GDF5: variants seen among roughly 807,000 people sequenced by gnomAD.
The protein encoded by GDF5 is growth/differentiation factor 5.
In GDF5, 17 loss-of-function variants were observed where a neutral mutation model predicts 34.6. The ratio of observed to expected loss-of-function variants is 0.49; its 90% CI spans 0.34 to 0.74. The LOEUF (loss-of-function observed/expected upper bound fraction) is 0.74, where lower values mean the gene tolerates loss of function less well. Ranked by LOEUF, GDF5 falls within the 30% of genes least tolerant of loss-of-function variation. The pLI is 0.01. For synonymous variants in GDF5, 332 were observed against 290.7 expected (o/e 1.14, Z -1.44); for missense variants, 616 against 661.2 (o/e 0.93, Z 0.75).
intron 1 of GDF5, among the ~76,000 whole-genome samples, chr20:35,443,477 C>T (rs2062504625): frequency 6.6e-6 from 1 of 151,516 alleles, no homozygotes. Context: ...TTCCATAAAC[C>T]ATCCTTATAA....
chr20:35,442,944 C>G (rs1387714626), upstream of GDF5, among the ~76,000 whole-genome samples: 2 of 152,124 alleles, frequency 1.3e-5, no homozygotes, highest in African/African-American at 4.8e-5. Flanking sequence ...ACCCAAAAAG[C>G]CTAATCTGGC....
chr20:35,434,970 A>AG, intron 1 of GDF5, 187 bp from the exon 2 acceptor site: 1 of 710,402 alleles, frequency 1.4e-6, no homozygotes, highest in Non-Finnish European at 2.6e-6. Context: ...TTTCCTACAT[A>AG]GCCGACCAAG....
At chr20:35,446,043 C>T (rs543453579) in intron 1 of GDF5, among the ~76,000 whole-genome samples, 9 of 151,636 alleles carry the variant, frequency 5.9e-5, no homozygotes, top group Non-Finnish European at 5.9e-5. Flanking sequence ...TGTGGTGGCT[C>T]ACACCTGTAA....
intron 1 of GDF5, among the ~76,000 whole-genome samples, chr20:35,447,058 A>T (rs2062516315): frequency 6.6e-6 from 1 of 151,672 alleles, no homozygotes. Flanking sequence ...GTTTTTTTAA[A>T]ATTTTTTTAT....
chr20:35,444,518 G>C (rs533886829), intron 1 of GDF5, among the ~76,000 whole-genome samples: 1 of 152,274 alleles, frequency 6.6e-6, no homozygotes, highest in African/African-American at 2.4e-5. Context: ...AGTGGCAGGA[G>C]GTGAGGTCAG....
chr20:35,446,074 G>A (rs1331617760), intron 1 of GDF5, among the ~76,000 whole-genome samples: 3 of 152,120 alleles, frequency 2.0e-5, no homozygotes, highest in African/African-American at 7.2e-5. Flanking sequence ...TCGGGAGGCT[G>A]AGGTGGGCAG....
rs181772082 is a variant in GDF5 at position 35,434,436 on chromosome 20, G to C, written c.979C>G (p.Leu327Val). Residue 327 changes from leucine to valine, a missense_variant, in exon 2 of 2, where the codon CTG becomes GTG. Physicochemically the swap from Leu to Val is conservative, Grantham distance 32. Transcript: ENST00000374369. ...TGCCGGGCGGCGCGGTCGAAGCCCA[G>C]GCCACGGAGGTCCACGGCCCTGCCC... Reference protein sequence around the residue: ...ERGRAVDLRGLGFDRAARQVH... With the variant: ...ERGRAVDLRGVGFDRAARQVH... 313 of 1,613,508 alleles carry C rather than the reference G, an allele frequency of 1.9e-4. 5 individuals are homozygous for C. The East Asian group carries it at 5.4e-3, about 28-fold the overall frequency.
intron 1 of GDF5, among the ~76,000 whole-genome samples, chr20:35,436,954 G>A (rs769381307): frequency 2.6e-5 from 4 of 152,134 alleles, no homozygotes; most frequent in African/African-American, 4.8e-5. Context: ...TGGAAAGTTC[G>A]GCCAGCCCAG....
chr20:35,438,452 G>A (rs929212180), upstream of GDF5, among the ~76,000 whole-genome samples: 9 of 151,412 alleles, frequency 5.9e-5, no homozygotes, highest in African/African-American at 1.9e-4. Context: ...AATTGGAAAC[G>A]GAATTCCAAC....
chr20:35,444,318 A>G (rs1312555461), intron 1 of GDF5, among the ~76,000 whole-genome samples: 1 of 152,190 alleles, frequency 6.6e-6, no homozygotes, highest in African/African-American at 2.4e-5. Context: ...TTTAGCAAGG[A>G]ATGCCCTTTG....
Position 35,434,287 on chromosome 20 carries a change from C to A in GDF5, c.1128G>T (p.Gln376His), listed in dbSNP as rs138130158. ...DKTVYEYLFSQRRKRRAPLAT... is the reference protein window; with the variant it reads ...DKTVYEYLFSHRRKRRAPLAT... ...CCAGTGGGGCCCGCCGTTTTCGCCGCTGGCTGAACAGGTACTCATACACGG... is the reference window on the plus strand; with the variant it reads ...CCAGTGGGGCCCGCCGTTTTCGCCGATGGCTGAACAGGTACTCATACACGG... The change falls in exon 2 of 2, where the codon CAG (glutamine) becomes CAT (histidine). Residue 376 changes from glutamine (Q) to histidine (H), a missense_variant. Coordinates refer to ENST00000374369, the MANE Select transcript of GDF5 (RefSeq NM_000557.5). 5.1e-4 allele frequency: 828 copies of A among 1,614,214 alleles called. 2 individuals are homozygous for A. The East Asian group carries it at 0.016, about 31-fold the overall frequency.
At chr20:35,454,721 A>G (rs1397080056) in exon 1 of GDF5, 1 of 152,256 alleles carries the variant, frequency 6.6e-6, no homozygotes, top group Non-Finnish European at 1.5e-5. Flanking sequence ...TCGCGCTGCC[A>G]GTATTATCGC....
intron 1 of GDF5, 190 bp from the exon 2 acceptor site, chr20:35,434,973 C>T (rs2062465010): frequency 2.8e-6 from 2 of 705,776 alleles, no homozygotes; most frequent in Admixed American, 4.2e-5. Context: ...CCTACATAGC[C>T]GACCAAGTAG....
intron 1 of GDF5, among the ~76,000 whole-genome samples, chr20:35,448,883 C>T (rs912315119): frequency 2.0e-5 from 3 of 152,122 alleles, no homozygotes; most frequent in African/African-American, 2.4e-5. Context: ...CTGGTCACTT[C>T]GAGCCTGACT....
chr20:35,450,179 G>A (rs1003951793), intron 1 of GDF5, among the ~76,000 whole-genome samples: 8 of 150,860 alleles, frequency 5.3e-5, no homozygotes, highest in East Asian at 1.9e-4. Context: ...GGTGGTGGGC[G>A]CCTGTAATCC....
chr20:35,446,762 G>T (rs2062515364), intron 1 of GDF5, among the ~76,000 whole-genome samples: 1 of 152,072 alleles, frequency 6.6e-6, no homozygotes, highest in Admixed American at 6.6e-5. Flanking sequence ...TTCAACCCAA[G>T]ACCCTAATTC....
chr20:35,438,317 T>C (rs1601075650), upstream of GDF5: 2 of 270,724 alleles, frequency 7.4e-6, no homozygotes, highest in South Asian at 4.7e-5. Context: ...GCTCCAGTTT[T>C]TTTTTCCCCC....
At chr20:35,449,364 C>A (rs1418617281) in intron 1 of GDF5, among the ~76,000 whole-genome samples, 1 of 152,068 alleles carries the variant, frequency 6.6e-6, no homozygotes, top group East Asian at 1.9e-4. Context: ...CAGCCTCAAC[C>A]TCCTGGGCTC....
chr20:35,452,731 T>C (rs1287956162), intron 1 of GDF5, among the ~76,000 whole-genome samples: 3 of 152,080 alleles, frequency 2.0e-5, no homozygotes, highest in Admixed American at 6.6e-5. Context: ...CGACTCCTCA[T>C]AGTCTTAAAA....
Sources: allele counts gnomAD v4.1 joint callset (sites outside exome capture counted in the v4.1 genomes callset), GRCh38; gene constraint gnomAD v4.1.1; transcripts MANE v1.5; gene names NCBI Gene and HGNC (gene_info 2026-07-23, HGNC 2026-07-21).